KDM4C: variants seen among roughly 807,000 people sequenced by gnomAD.
KDM4C encodes the protein lysine demethylase 4C.
Under a neutral mutation model 129.3 loss-of-function variants are expected in KDM4C, and 81 were observed. The ratio of observed to expected loss-of-function variants is 0.63; its 90% CI spans 0.52 to 0.75. The LOEUF (loss-of-function observed/expected upper bound fraction) is 0.75. Among genes scored for constraint, KDM4C ranks in the 30% least tolerant of loss-of-function variants. KDM4C has a pLI of 0.00. For missense variants in KDM4C, 1,457 were observed against 1,304.0 expected, an observed-to-expected ratio of 1.12 and a Z score of -1.81; for synonymous variants, 573 against 456.1, an observed-to-expected ratio of 1.26 and a Z score of -3.26.
At chr9:6,808,892 T>G (rs1364444059) in intron 3 of KDM4C, among the ~76,000 whole-genome samples, 3 of 151,960 alleles carry the variant, frequency 2.0e-5, no homozygotes, top group Non-Finnish European at 1.5e-5. Flanking sequence ...TTTTAAAAAA[T>G]TCTGATATGA....
rs141796882 is a variant in KDM4C, at chr9:6,957,625, G to C, written c.922-23300G>C. On this transcript the variant is annotated intron_variant, in intron 8 of 21. Transcript: ENST00000381309. ...AACGTGGAGGCTGCTGTTTCTCTGT[G>C]TTGTGACTGATATTTTCTATTGGTT... is the stretch of plus-strand genomic sequence containing the variant. 8.0e-3 allele frequency among the ~76,000 whole-genome samples: 1,217 copies of C among 152,240 alleles called. 12 individuals are homozygous for C. Among genetic ancestry groups the C allele is most frequent in the African/African-American group, 0.026 (1,100 of 41,552 alleles).
At chr9:6,841,101 G>A (rs943835322) in intron 4 of KDM4C, among the ~76,000 whole-genome samples, 2 of 152,132 alleles carry the variant, frequency 1.3e-5, no homozygotes, top group African/African-American at 4.8e-5. Context: ...GGTTCTTTCA[G>A]TATTTTCTCA....
At chr9:6,821,079 C>T (rs747635266) in intron 4 of KDM4C, among the ~76,000 whole-genome samples, 2 of 152,146 alleles carry the variant, frequency 1.3e-5, no homozygotes, top group African/African-American at 4.8e-5. Flanking sequence ...CATAGTATTC[C>T]ATGGTGTATA....
intron 8 of KDM4C, among the ~76,000 whole-genome samples, chr9:6,914,142 C>G (rs189354922): frequency 1.3e-5 from 2 of 152,234 alleles, no homozygotes; most frequent in Non-Finnish European, 2.9e-5. Flanking sequence ...TCACCGCAAC[C>G]TCTGCTTCCC....
intron 17 of KDM4C, among the ~76,000 whole-genome samples, chr9:7,069,494 A>G (rs546608686): frequency 6.6e-6 from 1 of 152,224 alleles, no homozygotes. Context: ...CCTAGGCTAC[A>G]GAGCAAGACC....
chr9:6,762,065 TG>T (rs1462888885), intron 1 of KDM4C, among the ~76,000 whole-genome samples: 1 of 152,172 alleles, frequency 6.6e-6, no homozygotes, highest in Admixed American at 6.5e-5. Context: ...CCCAAAGTGC[TG>T]GGATTACAGG....
chr9:7,123,589 A>C (rs1311044675), intron 18 of KDM4C, among the ~76,000 whole-genome samples: 1 of 152,152 alleles, frequency 6.6e-6, no homozygotes, highest in Non-Finnish European at 1.5e-5. Context: ...AGTGTTACAG[A>C]CACCGTGCTG....
intron 8 of KDM4C, among the ~76,000 whole-genome samples, chr9:6,932,010 G>T (rs1823832565): frequency 1.3e-5 from 2 of 152,250 alleles, no homozygotes; most frequent in Non-Finnish European, 2.9e-5. Flanking sequence ...AAAAGTGTCA[G>T]TGATTCATCA....
chr9:6,975,745 A>G (rs1307046347), intron 8 of KDM4C, among the ~76,000 whole-genome samples: 3 of 152,208 alleles, frequency 2.0e-5, no homozygotes, highest in Non-Finnish European at 4.4e-5. Flanking sequence ...CATTAAAATT[A>G]GAATAAGAAA....
chr9:6,850,783 C>G (rs1432441024), intron 5 of KDM4C, among the ~76,000 whole-genome samples: 2 of 151,718 alleles, frequency 1.3e-5, no homozygotes, highest in Middle Eastern at 3.2e-3. Context: ...GAGACAGGGT[C>G]TCACTCTGTT....
intron 17 of KDM4C, among the ~76,000 whole-genome samples, chr9:7,083,239 C>A (rs1834738624): frequency 6.6e-6 from 1 of 152,148 alleles, no homozygotes; most frequent in East Asian, 1.9e-4. Context: ...TATATACTTA[C>A]TGGTTGATTG....
intron 8 of KDM4C, among the ~76,000 whole-genome samples, chr9:6,968,081 C>G (rs534684240): frequency 6.6e-6 from 1 of 152,102 alleles, no homozygotes; most frequent in Non-Finnish European, 1.5e-5. Context: ...TCACTATCAG[C>G]GTGAATTTTT....
chr9:6,769,294 G>C lies in KDM4C; in HGVS notation c.-18+11091G>C, dbSNP rs1283810514. On this transcript the variant is annotated intron_variant, in intron 1 of 21. Coordinates refer to ENST00000381309, the MANE Select transcript of KDM4C (RefSeq NM_015061.6). ...ATCAGAATTGTTTATCTAGTGGAGA[G>C]AAGATTTGTTCCTTATTTAGTGGGC... Among the ~76,000 whole-genome samples, 4 of 151,978 alleles carry C rather than the reference G, an allele frequency of 2.6e-5. No homozygotes were observed. The East Asian group carries it at 7.7e-4, about 29-fold the overall frequency.
At chr9:6,882,247 C>T (rs190501349) in intron 6 of KDM4C, among the ~76,000 whole-genome samples, 1 of 152,136 alleles carries the variant, frequency 6.6e-6, no homozygotes, top group Non-Finnish European at 1.5e-5. Flanking sequence ...AATGCCATTG[C>T]ATTCTTTCTA....
chr9:7,003,586 C>T (rs1821127080), intron 12 of KDM4C, among the ~76,000 whole-genome samples: 1 of 152,174 alleles, frequency 6.6e-6, no homozygotes, highest in South Asian at 2.1e-4. Context: ...AAACTATATA[C>T]ATCCATTTAA....
At chr9:6,886,941 T>A (rs924241194) in intron 6 of KDM4C, among the ~76,000 whole-genome samples, 1 of 152,180 alleles carries the variant, frequency 6.6e-6, no homozygotes, top group Non-Finnish European at 1.5e-5. Flanking sequence ...TCTTGAGTTA[T>A]CTGCATAGAG....
chr9:6,769,154 TA>T (rs1489631025), intron 1 of KDM4C, among the ~76,000 whole-genome samples: 1 of 152,106 alleles, frequency 6.6e-6, no homozygotes, highest in African/African-American at 2.4e-5. Flanking sequence ...GGGTCGTTTT[TA>T]AGTTTTGTTA....
At chr9:7,012,140 C>T (rs1174813908) in intron 13 of KDM4C, among the ~76,000 whole-genome samples, 3 of 152,212 alleles carry the variant, frequency 2.0e-5, no homozygotes, top group African/African-American at 7.2e-5. Context: ...ACAATCATGA[C>T]TCCGTGCAGG....
In KDM4C at chr9:6,814,751, T is replaced by G; in HGVS notation, c.435+6T>G. The G allele has an allele frequency of 6.6e-7, 1 of 1,510,134 alleles. No individual in the cohort carries two copies. Among genetic ancestry groups the G allele is most frequent in the East Asian group, 2.3e-5 (1 of 43,978 alleles). 93.5% of individuals were successfully genotyped at this position (1,510,134 alleles called of 1,614,324 possible). On this transcript the variant is annotated splice_donor_region_variant and intron_variant, in intron 4 of 21. Transcript: ENST00000381309. ...ATGGGAGCATATATGATGAGGTACA[T>G]TCATATTTACAGTGAGTTTTGTAAA...
Sources: allele counts gnomAD v4.1 joint callset (sites outside exome capture counted in the v4.1 genomes callset), GRCh38; gene constraint gnomAD v4.1.1; transcripts MANE v1.5; gene names NCBI Gene and HGNC (gene_info 2026-07-23, HGNC 2026-07-21).